The following GBE1 variants were observed in gnomAD, a reference collection of about 807,000 sequenced individuals.
The protein encoded by GBE1 is 1,4-alpha-glucan branching enzyme 1.
GBE1 carries 70 observed loss-of-function variants against 88.8 expected under a neutral mutation model. That is an observed-to-expected ratio of 0.79 (90% CI 0.65 to 0.96). GBE1 has a LOEUF of 0.96. GBE1 is among the 40% of genes least tolerant of loss of function. The pLI, the probability that GBE1 is intolerant of heterozygous loss-of-function variation, is 0.00. For synonymous variants in GBE1, 284 were observed against 300.1 expected, an observed-to-expected ratio of 0.95 and a Z score of 0.56; for missense variants, 872 against 871.0, an observed-to-expected ratio of 1.00 and a Z score of -0.01.
chr3:81,553,788 G>C (rs1187379798), intron 12 of GBE1, among the ~76,000 whole-genome samples: 4 of 151,702 alleles, frequency 2.6e-5, no homozygotes, highest in African/African-American at 9.7e-5. Flanking sequence ...TAAATCAGAA[G>C]AGAACAGATA....
chr3:81,510,893 G>A (rs2106827640), intron 14 of GBE1, among the ~76,000 whole-genome samples: 1 of 152,000 alleles, frequency 6.6e-6, no homozygotes, highest in South Asian at 2.1e-4. Context: ...GCTGAGAGCT[G>A]ACCGTAAGCA....
At chr3:81,620,985 C>A (rs899616306) in intron 7 of GBE1, among the ~76,000 whole-genome samples, 1 of 152,180 alleles carries the variant, frequency 6.6e-6, no homozygotes, top group African/African-American at 2.4e-5. Context: ...AGGAACTCTG[C>A]AGGGAGACGC....
At chr3:81,745,358 T>G (rs1038369869) in intron 1 of GBE1, among the ~76,000 whole-genome samples, 20 of 152,260 alleles carry the variant, frequency 1.3e-4, no homozygotes, top group Admixed American at 1.2e-3. Context: ...AGCTTACATA[T>G]TTACAGAACA....
rs531641034 is a variant in GBE1 at position 81,616,852 on chromosome 3, T to G, written c.993-22829A>C. On this transcript the variant is annotated intron_variant, in intron 7 of 15. Transcript: ENST00000429644. ...AGTATGCATCTCCATTTATTTAAAT[T>G]TTCTTTTTTCATCAGTGTTTTATAG... 1.8e-4 allele frequency among the ~76,000 whole-genome samples: 27 copies of G among 152,176 alleles called. 1 individual carries two copies. Among genetic ancestry groups the G allele is most frequent in the African/African-American group, 6.3e-4 (26 of 41,572 alleles).
intron 12 of GBE1, among the ~76,000 whole-genome samples, chr3:81,547,985 C>A (rs1354413401): frequency 1.3e-5 from 2 of 151,428 alleles, no homozygotes; most frequent in East Asian, 3.9e-4. Context: ...TGGGAGATGA[C>A]CTTTTAACCA....
At chr3:81,671,734 A>G (rs1297807546) in intron 2 of GBE1, among the ~76,000 whole-genome samples, 1 of 152,128 alleles carries the variant, frequency 6.6e-6, no homozygotes, top group African/African-American at 2.4e-5. Context: ...ACAGAGAAAT[A>G]TATTTACAAT....
intron 12 of GBE1, among the ~76,000 whole-genome samples, chr3:81,539,747 A>G (rs1276797329): frequency 6.6e-6 from 1 of 152,056 alleles, no homozygotes; most frequent in Non-Finnish European, 1.5e-5. Flanking sequence ...AAGGCTGAGT[A>G]GTGACAGTGT....
At chr3:81,716,088 G>A (rs1413536406) in intron 1 of GBE1, among the ~76,000 whole-genome samples, 1 of 151,960 alleles carries the variant, frequency 6.6e-6, no homozygotes, top group Non-Finnish European at 1.5e-5. Context: ...ACAATCAAAT[G>A]CATTGTGACC....
chr3:81,529,956 A>G (rs1559635403), intron 14 of GBE1, among the ~76,000 whole-genome samples: 3 of 151,708 alleles, frequency 2.0e-5, no homozygotes, highest in Non-Finnish European at 4.4e-5. Context: ...TTTAAGGCCA[A>G]TCACTTTTAG....
In GBE1 at chr3:81,512,823, C is replaced by T. The variant is rs560732686; in HGVS notation, c.1935-13596G>A. Among the ~76,000 whole-genome samples the T allele has an allele frequency of 2.6e-5, 4 of 151,710 alleles. No individual in the cohort carries two copies. In the East Asian group the frequency reaches 7.8e-4, roughly 29 times the overall value. On this transcript the variant is annotated intron_variant, in intron 14 of 15. Transcript: ENST00000429644. ...AAAAGTATTCGCATATTGTAAATTG[C>T]CATGCAAATTTAACTTTTGGTACTA...
intron 11 of GBE1, among the ~76,000 whole-genome samples, chr3:81,579,544 CAT>C (rs1187186797): frequency 1.3e-5 from 2 of 152,066 alleles, no homozygotes; most frequent in Non-Finnish European, 2.9e-5. Context: ...ATAAAATAAA[CAT>C]ATGCTGGGAA....
At chr3:81,612,871 T>G (rs775254525) in intron 7 of GBE1, 39 of 404,156 alleles carry the variant, frequency 9.6e-5, no homozygotes, top group Admixed American at 2.1e-4. Flanking sequence ...AAAGACAATA[T>G]TTGGCCAAAA....
chr3:81,723,310 C>T (rs866362616), intron 1 of GBE1, among the ~76,000 whole-genome samples: 2 of 147,706 alleles, frequency 1.4e-5, no homozygotes, highest in Middle Eastern at 3.5e-3. Flanking sequence ...ACCATGTTAG[C>T]CAGGATGGTC....
intron 1 of GBE1, among the ~76,000 whole-genome samples, chr3:81,720,888 C>A (rs1024212430): frequency 8.3e-5 from 12 of 144,148 alleles, no homozygotes; most frequent in Admixed American, 5.7e-4. Context: ...ATGATGAGTT[C>A]ATATCCTTTG....
At chr3:81,543,414 T>C (rs543506507) in intron 12 of GBE1, among the ~76,000 whole-genome samples, 1 of 152,240 alleles carries the variant, frequency 6.6e-6, no homozygotes, top group South Asian at 2.1e-4. Context: ...TTAAATTTCA[T>C]ATTTGGTTCA....
intron 2 of GBE1, among the ~76,000 whole-genome samples, chr3:81,685,645 G>C (rs1418906044): frequency 2.0e-5 from 3 of 152,112 alleles, no homozygotes; most frequent in African/African-American, 7.2e-5. Context: ...GCCTCCCAAA[G>C]TGCTGGTATT....
chr3:81,725,325 T>C (rs1391535078), intron 1 of GBE1, among the ~76,000 whole-genome samples: 3 of 152,108 alleles, frequency 2.0e-5, no homozygotes, highest in Non-Finnish European at 4.4e-5. Context: ...TAAATTTTTA[T>C]TTTCTTTCCT....
At chr3:81,653,199 C>T (rs969464398) in intron 3 of GBE1, among the ~76,000 whole-genome samples, 3 of 152,094 alleles carry the variant, frequency 2.0e-5, no homozygotes, top group African/African-American at 7.2e-5. Flanking sequence ...CACAGTGGCT[C>T]ACACCTACAA....
chr3:81,572,299 T>C (rs910468188), intron 12 of GBE1, among the ~76,000 whole-genome samples: 20 of 152,158 alleles, frequency 1.3e-4, no homozygotes, highest in Non-Finnish European at 2.8e-4. Flanking sequence ...TACAGCAGTA[T>C]GAAAATGGAC....
Sources: gnomAD v4.1 joint callset for allele counts (sites outside exome capture counted in the v4.1 genomes callset) on GRCh38, gnomAD v4.1.1 for gene constraint, MANE v1.5 for transcripts, NCBI Gene and HGNC (gene_info 2026-07-23, HGNC 2026-07-21) for gene names.